SLC41A2: variants seen among roughly 807,000 people sequenced by gnomAD.
The protein encoded by SLC41A2 is solute carrier family 41 member 2.
A neutral mutation model predicts 58.3 loss-of-function variants in SLC41A2; 32 were observed. The observed-to-expected ratio is 0.55, with a 90% CI of 0.41 to 0.74. The LOEUF is 0.74. SLC41A2 is among the 30% of genes least tolerant of loss of function. SLC41A2 has a pLI of 0.00. For synonymous variants in SLC41A2, 190 were observed against 235.0 expected (o/e 0.81, Z 1.75); for missense variants, 514 against 680.6 (o/e 0.76, Z 2.72).
chr12:104,826,008 G>A (rs1335785809), intron 10 of SLC41A2, among the ~76,000 whole-genome samples: 2 of 152,192 alleles, frequency 1.3e-5, no homozygotes, highest in African/African-American at 4.8e-5. Context: ...AGGGCTCAGG[G>A]ATAAGAGGTA....
intron 10 of SLC41A2, among the ~76,000 whole-genome samples, chr12:104,833,860 GTAAT>G (rs2042121770): frequency 6.6e-6 from 1 of 151,712 alleles, no homozygotes; most frequent in Non-Finnish European, 1.5e-5. Flanking sequence ...AATTTCCTGA[GTAAT>G]TATTTTTACA....
intron 4 of SLC41A2, among the ~76,000 whole-genome samples, chr12:104,894,660 G>A (rs191153962): frequency 6.6e-6 from 1 of 152,258 alleles, no homozygotes; most frequent in Admixed American, 6.5e-5. Flanking sequence ...CATTCCCTAA[G>A]CTCACACTAG....
At chr12:104,823,176 G>A (rs1592939556) in intron 10 of SLC41A2, among the ~76,000 whole-genome samples, 1 of 152,262 alleles carries the variant, frequency 6.6e-6, no homozygotes. Context: ...TACTGCTGTT[G>A]AAATGCCAAA....
intron 1 of SLC41A2, among the ~76,000 whole-genome samples, chr12:104,934,305 T>C (rs2047180401): frequency 6.6e-6 from 1 of 152,236 alleles, no homozygotes; most frequent in African/African-American, 2.4e-5. Flanking sequence ...GCTAATCTAA[T>C]AGTAGCACAG....
chr12:104,942,142 C>T (rs1365573431), intron 1 of SLC41A2, among the ~76,000 whole-genome samples: 1 of 152,064 alleles, frequency 6.6e-6, no homozygotes, highest in Non-Finnish European at 1.5e-5. Context: ...TTACATGTAT[C>T]TTATTTTTAA....
intron 3 of SLC41A2, among the ~76,000 whole-genome samples, chr12:104,903,933 A>G (rs1372286953): frequency 6.6e-6 from 1 of 152,198 alleles, no homozygotes; most frequent in Non-Finnish European, 1.5e-5. Flanking sequence ...ATATGGACAC[A>G]TACATATAAC....
At chr12:104,841,601 G>A (rs1371878455) in intron 10 of SLC41A2, among the ~76,000 whole-genome samples, 1 of 152,090 alleles carries the variant, frequency 6.6e-6, no homozygotes, top group Non-Finnish European at 1.5e-5. Flanking sequence ...GGTACTTTGG[G>A]AAATAGAGAA....
intron 10 of SLC41A2, among the ~76,000 whole-genome samples, chr12:104,821,848 C>T (rs2136240630): frequency 6.6e-6 from 1 of 152,328 alleles, no homozygotes; most frequent in East Asian, 1.9e-4. Flanking sequence ...CACTAGCATT[C>T]ACTATGTTAT....
At chr12:104,925,286 C>T (rs527356196) in intron 2 of SLC41A2, among the ~76,000 whole-genome samples, 3 of 152,160 alleles carry the variant, frequency 2.0e-5, no homozygotes, top group Admixed American at 6.5e-5. Flanking sequence ...CGGCCAGGCG[C>T]GGTGGCTCAC....
chr12:104,910,977 T>C (rs1013466474), intron 2 of SLC41A2, among the ~76,000 whole-genome samples: 18 of 152,208 alleles, frequency 1.2e-4, no homozygotes, highest in African/African-American at 3.6e-4. Flanking sequence ...ATCTATTCTC[T>C]CTGAAGCCTG....
intron 2 of SLC41A2, among the ~76,000 whole-genome samples, chr12:104,918,165 A>G (rs981785145): frequency 2.6e-5 from 4 of 152,004 alleles, no homozygotes; most frequent in Non-Finnish European, 5.9e-5. Flanking sequence ...CTAAGAGTAT[A>G]AGGACATAGG....
intron 1 of SLC41A2, among the ~76,000 whole-genome samples, chr12:104,956,843 C>T (rs950230446): frequency 2.6e-5 from 4 of 152,142 alleles, no homozygotes; most frequent in Non-Finnish European, 4.4e-5. Context: ...CAAATCAAAA[C>T]CACAAAGAGA....
intron 10 of SLC41A2, among the ~76,000 whole-genome samples, chr12:104,838,416 T>A (rs2042286546): frequency 6.6e-6 from 1 of 152,216 alleles, no homozygotes; most frequent in Non-Finnish European, 1.5e-5. Flanking sequence ...AGAACAAGTT[T>A]TTTTCTTGAG....
At chr12:104,902,064 C>T (rs1339952423) in intron 3 of SLC41A2, among the ~76,000 whole-genome samples, 1 of 151,978 alleles carries the variant, frequency 6.6e-6, no homozygotes, top group Non-Finnish European at 1.5e-5. Flanking sequence ...TTATTTTTCT[C>T]CTAATTTTAC....
At chr12:104,827,623 A>T (rs2041892916) in intron 10 of SLC41A2, among the ~76,000 whole-genome samples, 1 of 152,128 alleles carries the variant, frequency 6.6e-6, no homozygotes, top group Non-Finnish European at 1.5e-5. Context: ...ACCCATGTAT[A>T]CTTAACCTTA....
At chr12:104,892,195 G>A (rs779937664) in intron 4 of SLC41A2, among the ~76,000 whole-genome samples, 3 of 151,822 alleles carry the variant, frequency 2.0e-5, no homozygotes, top group Middle Eastern at 6.8e-3. Context: ...AGCTGAGGTG[G>A]GAGAATTGCT....
chr12:104,892,328 A>AAAAAAAAAAAAAAAAAAAAAC lies in SLC41A2; in HGVS notation c.735+2945_735+2946insGTTTTTTTTTTTTTTTTTTTT, dbSNP rs1272873332. ...AAATAAAATAAAATAAAATAAAATAAAATAAAATATTGATGCAAGAAATTG... is the reference window on the plus strand; with the variant it reads ...AAATAAAATAAAATAAAATAAAATAAAAAAAAAAAAAAAAAAAAAACAATAAAATATTGATGCAAGAAATTG... On this transcript the variant is annotated intron_variant, in intron 4 of 10. Transcript: ENST00000258538. Among the ~76,000 whole-genome samples, 21 of 126,926 alleles carry AAAAAAAAAAAAAAAAAAAAAC rather than the reference A, an allele frequency of 1.7e-4. 1 individual carries two copies. Among genetic ancestry groups the AAAAAAAAAAAAAAAAAAAAAC allele is most frequent in the African/African-American group, 5.6e-4 (15 of 26,936 alleles). The allele number at this position is 126,926 out of a possible 152,430, so 83.3% of individuals were successfully genotyped here. A position where few individuals can be genotyped will look rare whatever the true frequency, so the allele number is the denominator to read the frequency against.
chr12:104,822,648 C>T (rs2041681934), intron 10 of SLC41A2, among the ~76,000 whole-genome samples: 1 of 152,074 alleles, frequency 6.6e-6, no homozygotes, highest in African/African-American at 2.4e-5. Context: ...AATGACCTAA[C>T]ATCCCTCTCT....
intron 1 of SLC41A2, among the ~76,000 whole-genome samples, chr12:104,951,696 A>G (rs1008307455): frequency 1.3e-5 from 2 of 151,934 alleles, no homozygotes; most frequent in Non-Finnish European, 2.9e-5. Flanking sequence ...TTCATTTGTA[A>G]GAACAAAATC....
Sources: gnomAD v4.1 joint callset for allele counts (sites outside exome capture counted in the v4.1 genomes callset) on GRCh38, gnomAD v4.1.1 for gene constraint, MANE v1.5 for transcripts, NCBI Gene and HGNC (gene_info 2026-07-23, HGNC 2026-07-21) for gene names.